DLG2: variants seen among roughly 807,000 people sequenced by gnomAD.
DLG2 encodes the protein discs large MAGUK scaffold protein 2.
Under a neutral mutation model 132.5 loss-of-function variants are expected in DLG2, and 45 were observed. That is an observed-to-expected ratio of 0.34 (90% CI 0.27 to 0.44). The LOEUF (loss-of-function observed/expected upper bound fraction) is 0.44, where lower values mean the gene tolerates loss of function less well. Among genes scored for constraint, DLG2 ranks in the 20% least tolerant of loss-of-function variants. DLG2 has a pLI of 1.00. For synonymous variants in DLG2, 424 were observed against 419.6 expected, an observed-to-expected ratio of 1.01 and a Z score of -0.13; for missense variants, 1,045 against 1,196.9, an observed-to-expected ratio of 0.87 and a Z score of 1.87.
At chr11:84,770,376 A>C (rs2069113939) in intron 6 of DLG2, among the ~76,000 whole-genome samples, 1 of 152,066 alleles carries the variant, frequency 6.6e-6, no homozygotes, top group Non-Finnish European at 1.5e-5. Flanking sequence ...CTCATGTCAT[A>C]TGGGTTTGTT....
intron 3 of DLG2, among the ~76,000 whole-genome samples, chr11:85,422,265 T>C (rs1217115804): frequency 6.6e-6 from 1 of 152,214 alleles, no homozygotes; most frequent in African/African-American, 2.4e-5. Context: ...TCCTTGATTA[T>C]TCCTCTAAAT....
chr11:84,189,843 A>T (rs2154289832), intron 8 of DLG2, among the ~76,000 whole-genome samples: 1 of 152,234 alleles, frequency 6.6e-6, no homozygotes, highest in Admixed American at 6.5e-5. Flanking sequence ...GGGGGGAAGG[A>T]GGGCATCAGG....
chr11:84,682,195 A>C (rs1439208395), intron 6 of DLG2, among the ~76,000 whole-genome samples: 1 of 152,176 alleles, frequency 6.6e-6, no homozygotes, highest in African/African-American at 2.4e-5. Flanking sequence ...ATCAAATTTC[A>C]ACATGAGATT....
chr11:84,506,541 A>G (rs1180546138), intron 7 of DLG2, among the ~76,000 whole-genome samples: 1 of 152,172 alleles, frequency 6.6e-6, no homozygotes, highest in Non-Finnish European at 1.5e-5. Context: ...ACTTCATCTA[A>G]AAGCTGGAAA....
At chr11:85,337,816 G>A (rs2152852584) in intron 3 of DLG2, among the ~76,000 whole-genome samples, 1 of 152,298 alleles carries the variant, frequency 6.6e-6, no homozygotes, top group African/African-American at 2.4e-5. Flanking sequence ...GTTAAGTGAA[G>A]CATTGGTGTA....
intron 4 of DLG2, among the ~76,000 whole-genome samples, chr11:85,274,277 G>A (rs1821873111): frequency 6.6e-6 from 1 of 152,108 alleles, no homozygotes; most frequent in Admixed American, 6.6e-5. Context: ...ATTAGGTCGA[G>A]CAGTGCAAGG....
chr11:84,222,808 TA>T (rs1424627953), intron 8 of DLG2, among the ~76,000 whole-genome samples: 2 of 152,352 alleles, frequency 1.3e-5, no homozygotes, highest in East Asian at 1.9e-4. Context: ...TACTGACTAT[TA>T]AAAATCCTAT....
At chr11:85,316,519 A>G (rs2080686959) in intron 3 of DLG2, among the ~76,000 whole-genome samples, 1 of 151,974 alleles carries the variant, frequency 6.6e-6, no homozygotes, top group South Asian at 2.1e-4. Context: ...AGCAGGAAAG[A>G]AGGGGAATAA....
At chr11:85,325,260 G>A (rs1364087676) in intron 3 of DLG2, among the ~76,000 whole-genome samples, 10 of 152,306 alleles carry the variant, frequency 6.6e-5, no homozygotes, top group South Asian at 2.1e-4. Flanking sequence ...CGAACTGGGC[G>A]GAGCCCACCA....
chr11:84,696,593 C>A (rs910817839), intron 6 of DLG2, among the ~76,000 whole-genome samples: 1 of 150,988 alleles, frequency 6.6e-6, no homozygotes, highest in Non-Finnish European at 1.5e-5. Flanking sequence ...ACAAACCAGG[C>A]AGAAAAAAAC....
intron 6 of DLG2, among the ~76,000 whole-genome samples, chr11:84,538,984 C>A (rs2099361862): frequency 6.6e-6 from 1 of 152,028 alleles, no homozygotes; most frequent in African/African-American, 2.4e-5. Flanking sequence ...TCTTTATTTC[C>A]TTTGGCTGAA....
intron 6 of DLG2, among the ~76,000 whole-genome samples, chr11:84,922,892 G>A (rs1454766340): frequency 6.7e-6 from 1 of 150,060 alleles, no homozygotes; most frequent in Non-Finnish European, 1.5e-5. Context: ...CTTCACAGCA[G>A]CGTTCCAACA....
intron 3 of DLG2, among the ~76,000 whole-genome samples, chr11:85,391,719 AT>A (rs2086814715): frequency 6.6e-6 from 1 of 152,124 alleles, no homozygotes; most frequent in Non-Finnish European, 1.5e-5. Context: ...CAGAAAAAGC[AT>A]TTGACCAAAT....
At chr11:84,933,723 C>G (rs759664452) in intron 6 of DLG2, among the ~76,000 whole-genome samples, 2 of 152,200 alleles carry the variant, frequency 1.3e-5, no homozygotes, top group Non-Finnish European at 2.9e-5. Flanking sequence ...TATCCTGAGA[C>G]TTTGCTGAAG....
At chr11:83,777,787 G>A (rs1020790975) in intron 18 of DLG2, among the ~76,000 whole-genome samples, 4 of 152,072 alleles carry the variant, frequency 2.6e-5, no homozygotes, top group African/African-American at 9.7e-5. Flanking sequence ...TGTTTAAAAT[G>A]TATGGGGAAA....
At chr11:83,469,697 T>C (rs1297553442) in intron 24 of DLG2, among the ~76,000 whole-genome samples, 2 of 152,156 alleles carry the variant, frequency 1.3e-5, no homozygotes, top group African/African-American at 2.4e-5. Flanking sequence ...AGACATCACA[T>C]GGTGCTAGAA....
intron 3 of DLG2, among the ~76,000 whole-genome samples, chr11:85,502,086 C>A (rs1021883287): frequency 6.6e-6 from 1 of 152,030 alleles, no homozygotes; most frequent in Non-Finnish European, 1.5e-5. Context: ...TACTATGCAG[C>A]CATAAAAAAG....
intron 3 of DLG2, among the ~76,000 whole-genome samples, chr11:85,325,019 C>G (rs990870447): frequency 2.8e-5 from 4 of 143,796 alleles, no homozygotes; most frequent in African/African-American, 1.1e-4. Flanking sequence ...ACGGACGCAC[C>G]TGGAAAATTG....
chr11:85,031,947 CTTTTT>C (rs11389028), intron 6 of DLG2, among the ~76,000 whole-genome samples: 26 of 51,852 alleles, frequency 5.0e-4, no homozygotes, highest in African/African-American at 2.0e-3. Flanking sequence ...TGACAACTGG[CTTTTT>C]TTTTTTTTTT....
Sources: allele counts gnomAD v4.1 joint callset (sites outside exome capture counted in the v4.1 genomes callset), GRCh38; gene constraint gnomAD v4.1.1; transcripts MANE v1.5; gene names NCBI Gene and HGNC (gene_info 2026-07-23, HGNC 2026-07-21).